Variants in ODAD2 observed in about 807,000 individuals in gnomAD.
The protein encoded by ODAD2 is outer dynein arm-docking complex subunit 2.
Under a neutral mutation model 106.8 loss-of-function variants are expected in ODAD2, and 89 were observed. The ratio of observed to expected loss-of-function variants is 0.83; its 90% CI spans 0.70 to 0.99. ODAD2 has a LOEUF of 0.99. Ranked by LOEUF, ODAD2 falls within the 50% of genes least tolerant of loss-of-function variation. The pLI, the probability that ODAD2 is intolerant of heterozygous loss-of-function variation, is 0.00. For missense variants in ODAD2, 1,168 were observed against 1,238.5 expected (o/e 0.94, Z 0.85); for synonymous variants, 404 against 436.2 (o/e 0.93, Z 0.92).
chr10:27,855,928 A>G (rs989089123), intron 19 of ODAD2, among the ~76,000 whole-genome samples: 5 of 152,202 alleles, frequency 3.3e-5, no homozygotes, highest in Non-Finnish European at 5.9e-5. Flanking sequence ...AACAAATCCA[A>G]TGACACCATG....
intron 10 of ODAD2, among the ~76,000 whole-genome samples, chr10:27,948,224 A>G (rs1193076399): frequency 1.3e-5 from 2 of 150,570 alleles, no homozygotes; most frequent in Non-Finnish European, 3.0e-5. Context: ...GAAAATCTGG[A>G]AACATATTCA....
chr10:27,947,296 A>G (rs1034585189), intron 10 of ODAD2, among the ~76,000 whole-genome samples: 2 of 152,188 alleles, frequency 1.3e-5, no homozygotes, highest in African/African-American at 4.8e-5. Flanking sequence ...CAGATATTTT[A>G]TAAGCCATAA....
intron 19 of ODAD2, among the ~76,000 whole-genome samples, chr10:27,847,039 T>C (rs184870091): frequency 2.6e-5 from 4 of 151,996 alleles, no homozygotes; most frequent in Non-Finnish European, 4.4e-5. Context: ...TTCCAATCAA[T>C]AGAAAAAGAG....
At chr10:27,977,670 T>C (rs572992940) in intron 7 of ODAD2, among the ~76,000 whole-genome samples, 27 of 151,896 alleles carry the variant, frequency 1.8e-4, no homozygotes, top group African/African-American at 6.3e-4. Flanking sequence ...GCCAAGAACA[T>C]ATATAAAGAT....
intron 17 of ODAD2, among the ~76,000 whole-genome samples, chr10:27,885,610 TA>T (rs1842070363): frequency 2.7e-5 from 2 of 75,164 alleles, no homozygotes; most frequent in Non-Finnish European, 4.8e-5. Context: ...ATATAAAATA[TA>T]TATAAATATA....
At chr10:27,954,495 G>GTGAATGAA (rs10597575) in intron 10 of ODAD2, among the ~76,000 whole-genome samples, 30 of 151,006 alleles carry the variant, frequency 2.0e-4, no homozygotes, top group African/African-American at 6.8e-4. Flanking sequence ...ATAAACACGA[G>GTGAATGAA]TGAATGAATG....
intron 12 of ODAD2, among the ~76,000 whole-genome samples, chr10:27,943,747 A>T (rs1846626913): frequency 7.3e-6 from 1 of 136,484 alleles, no homozygotes; most frequent in Non-Finnish European, 1.5e-5. Context: ...GTGAGCCAAG[A>T]TCGCGCCACT....
intron 17 of ODAD2, among the ~76,000 whole-genome samples, chr10:27,872,281 C>CCTGGGATGTCTAGATG (rs1840956744): frequency 6.6e-6 from 1 of 152,018 alleles, no homozygotes; most frequent in Admixed American, 6.6e-5. Context: ...TTTCTAGATA[C>CCTGGGATGTCTAGATG]ACAATCATGT....
chr10:27,850,050 A>C (rs950586308), intron 19 of ODAD2, among the ~76,000 whole-genome samples: 1 of 152,212 alleles, frequency 6.6e-6, no homozygotes, highest in Non-Finnish European at 1.5e-5. Flanking sequence ...TAAAGTGAAT[A>C]TTACAATAAT....
At chr10:27,989,095 G>A (rs571251429) in intron 2 of ODAD2, among the ~76,000 whole-genome samples, 6 of 152,234 alleles carry the variant, frequency 3.9e-5, no homozygotes, top group Admixed American at 6.5e-5. Context: ...TTAAGCCTCC[G>A]GAAGGAATGC....
chr10:27,987,344 G>A lies in ODAD2; in HGVS notation c.382+42C>T, dbSNP rs3808909. On this transcript the variant is annotated intron_variant, in intron 3 of 19. Coordinates refer to ENST00000305242, the MANE Select transcript of ODAD2 (RefSeq NM_018076.5). ...CTTTCCCCACTTTCCCAGCAAGATT[G>A]TTTCTAAAAGTTCAAATCACAGACT... 0.24 allele frequency: 372,168 copies of A among 1,578,882 alleles called. 46,159 individuals are homozygous for A. Among genetic ancestry groups the A allele is most frequent in the Middle Eastern group, 0.26 (1,550 of 5,918 alleles).
At chr10:27,881,507 C>T (rs963747831) in intron 17 of ODAD2, among the ~76,000 whole-genome samples, 7 of 151,812 alleles carry the variant, frequency 4.6e-5, no homozygotes, top group African/African-American at 1.2e-4. Context: ...CATAGTGGCA[C>T]GCACCTGTAG....
intron 19 of ODAD2, among the ~76,000 whole-genome samples, chr10:27,832,072 A>G (rs893411687): frequency 2.6e-5 from 4 of 152,244 alleles, no homozygotes; most frequent in Non-Finnish European, 4.4e-5. Context: ...AGGGGCTAAC[A>G]CAGAGGTAAC....
intron 19 of ODAD2, among the ~76,000 whole-genome samples, chr10:27,854,552 T>C (rs1308513153): frequency 2.0e-5 from 3 of 152,138 alleles, no homozygotes; most frequent in Non-Finnish European, 4.4e-5. Flanking sequence ...GGTCAAGAGT[T>C]TGAGACCACT....
intron 10 of ODAD2, among the ~76,000 whole-genome samples, chr10:27,953,065 C>T (rs183337096): frequency 6.6e-6 from 1 of 152,164 alleles, no homozygotes; most frequent in East Asian, 1.9e-4. Flanking sequence ...TGGGTATATG[C>T]ATATAAATCC....
Position 27,940,815 on chromosome 10 carries a change from T to C in ODAD2, c.1744-10A>G. On this transcript the variant is annotated splice_polypyrimidine_tract_variant and intron_variant, in intron 12 of 19. Transcript: ENST00000305242. ...AGTCTAGTAGAGCAACCTATAATAA[T>C]AGATAAATCCAATGTTCATGGAAAT... is the stretch of plus-strand genomic sequence containing the variant. 5 of 1,609,188 alleles carry C rather than the reference T, an allele frequency of 3.1e-6. No homozygotes were observed. Among genetic ancestry groups the C allele is most frequent in the Middle Eastern group, 3.3e-4 (2 of 5,996 alleles).
chr10:27,883,646 A>G (rs1406974951), intron 17 of ODAD2, among the ~76,000 whole-genome samples: 2 of 152,200 alleles, frequency 1.3e-5, no homozygotes, highest in African/African-American at 2.4e-5. Context: ...AAAGGAAACT[A>G]TGCCCCAAAA....
In ODAD2 at chr10:27,936,783, A is replaced by C; in HGVS notation, c.2195T>G (p.Leu732Ter). The C allele has an allele frequency of 6.2e-7, 1 of 1,614,022 alleles. No individual in the cohort carries two copies. The highest frequency in any genetic ancestry group is 8.5e-7 in the Non-Finnish European group (1 of 1,179,928). ...LLNNTDNKER[L>*]AAVTGAIWKC... ...CCATATAGCCCCTGTGACAGCAGCT[A>C]ACCGCTCTTTATTGTCAGTGTTATT... The change falls in exon 15 of 20, where the codon TTA becomes TGA. Residue 732 changes from leucine to a stop codon, truncating the protein, a stop_gained. Transcript: ENST00000305242. LOFTEE classifies it high-confidence loss of function.
intron 16 of ODAD2, among the ~76,000 whole-genome samples, chr10:27,934,718 TC>T (rs1845843865): frequency 6.6e-6 from 1 of 152,080 alleles, no homozygotes; most frequent in Non-Finnish European, 1.5e-5. Flanking sequence ...GTATAATACT[TC>T]CCTAGGAGAC....
Sources: gnomAD v4.1 joint callset for allele counts (sites outside exome capture counted in the v4.1 genomes callset) on GRCh38, gnomAD v4.1.1 for gene constraint, MANE v1.5 for transcripts, NCBI Gene and HGNC (gene_info 2026-07-23, HGNC 2026-07-21) for gene names.